NOS2: variants seen among roughly 807,000 people sequenced by gnomAD.
NOS2 encodes the protein nitric oxide synthase, inducible.
Under a neutral mutation model 136.0 loss-of-function variants are expected in NOS2, and 96 were observed. That is an observed-to-expected ratio of 0.71 (90% confidence interval 0.60 to 0.84). NOS2 has a LOEUF of 0.84. NOS2 is among the 40% of genes least tolerant of loss of function. NOS2 has a pLI of 0.00. For missense variants in NOS2, 1,237 were observed against 1,496.9 expected (o/e 0.83, Z 2.87); for synonymous variants, 539 against 587.5 (o/e 0.92, Z 1.20).
chr17:27,765,650 CT>C lies in NOS2; in HGVS notation c.2312del (p.Glu771GlyfsTer113). The C allele has an allele frequency of 1.2e-6, 2 of 1,613,480 alleles. No homozygotes were observed. Among genetic ancestry groups the C allele is most frequent in the Non-Finnish European group, 1.7e-6 (2 of 1,180,004 alleles). On this transcript the variant is annotated frameshift_variant, in exon 20 of 27. Coordinates refer to ENST00000313735, the MANE Select transcript of NOS2 (RefSeq NM_000625.4). LOFTEE classifies it high-confidence loss of function. Reference sequence around the variant, plus strand: ...GGTTGCCTGGGCAAACCCCAAGGTGCTCCCCCGGCAGGTAGTTCAGGCCTTG... The same window carrying C: ...GGTTGCCTGGGCAAACCCCAAGGTGCCCCCCGGCAGGTAGTTCAGGCCTTG... ...DGQGLNYLPG[E>X]HLGVCPGNQP...
intron 21 of NOS2, among the ~76,000 whole-genome samples, chr17:27,763,468 G>T (rs1908201353): frequency 6.6e-6 from 1 of 152,208 alleles, no homozygotes; most frequent in African/African-American, 2.4e-5. Context: ...GGCGGTGGAG[G>T]TAGCTTAAAT....
At position 27,782,945 on chromosome 17, in the gene NOS2, T is replaced by A; in HGVS notation, c.629A>T (p.Gln210Leu). The change falls in exon 6 of 27, where the codon CAG (glutamine) becomes CTG (leucine). Residue 210 changes from glutamine to leucine, a missense_variant and splice_region_variant. By Grantham distance (113) the Gln-to-Leu change is moderately radical. Around this residue, in one of 3 missense-constraint regions of NOS2, gnomAD observed 440 missense variants for 545.4 expected, o/e 0.81. Coordinates refer to ENST00000313735, the MANE Select transcript of NOS2 (RefSeq NM_000625.4). The part of the protein sequence containing the change: ...CIGRIQWSNL[Q>L]VFDARSCSTA... ...CCGCTCAAGTCTAAGGAAGTTCACC[T>A]GCAGGTTGGACCACTGGATCCTCCC... The A allele has an allele frequency of 6.2e-7, 1 of 1,614,028 alleles. No homozygotes were observed. Among genetic ancestry groups the A allele is most frequent in the Non-Finnish European group, 8.5e-7 (1 of 1,180,010 alleles).
rs897623603 is a variant in NOS2, at chr17:27,787,940, C to T, written c.319-114G>A. The T allele has an allele frequency of 6.2e-6, 7 of 1,121,970 alleles. 1 individual carries two copies. Among genetic ancestry groups the T allele is most frequent in the East Asian group, 2.6e-5 (1 of 39,194 alleles). 69.5% of individuals were successfully genotyped at this position (1,121,970 alleles called of 1,614,324 possible). A position where few individuals can be genotyped will look rare whatever the true frequency, so the allele number is the denominator to read the frequency against. ...TCTCTGGCTGCTCCGGCTCCCTGCA[C>T]CTCTTCTCCACCCCTGTGGCACCTC... On this transcript the variant is annotated intron_variant, in intron 4 of 26. Transcript: ENST00000313735.
In NOS2 at chr17:27,780,795, C is replaced by T; in HGVS notation, c.976G>A (p.Val326Met). 1.2e-6 allele frequency: 2 copies of T among 1,614,222 alleles called. No individual in the cohort carries two copies. The highest frequency in any genetic ancestry group is 1.7e-6 in the Non-Finnish European group (2 of 1,180,044). The change falls in exon 9 of 27, where the codon GTG becomes ATG. Residue 326 changes from valine (V) to methionine (M), a missense_variant. Val to Met is a conservative substitution (Grantham distance 21). Around this residue, in one of 3 missense-constraint regions of NOS2, gnomAD observed 440 missense variants for 545.4 expected, o/e 0.81. Transcript: ENST00000313735. ...GGATGTTCCATGGCCACCTCAAGCA[C>T]AAGGTCAGGTGGGATTTCGAAGAGC... ...PELFEIPPDL[V>M]LEVAMEHPKY... is the part of the protein sequence containing the mutation.
At chr17:27,794,714 G>A (rs866608977) in intron 2 of NOS2, among the ~76,000 whole-genome samples, 143 of 145,610 alleles carry the variant, frequency 9.8e-4, no homozygotes, top group African/African-American at 2.0e-3. Flanking sequence ...ACACACACGC[G>A]CACACACACA....
At chr17:27,758,800 G>C (rs1256242961) in intron 26 of NOS2, 81 bp downstream of exon 26, 1 of 1,113,884 alleles carries the variant, frequency 9.0e-7, no homozygotes, top group Non-Finnish European at 1.2e-6. Flanking sequence ...ATTCCCCTGG[G>C]TCTACCTGCC....
chr17:27,798,424 G>T (rs1363299122), intron 2 of NOS2, among the ~76,000 whole-genome samples: 3 of 151,364 alleles, frequency 2.0e-5, no homozygotes, highest in South Asian at 2.1e-4. Flanking sequence ...CCATTCTCAG[G>T]CCAAGCTCCT....
chr17:27,781,076 C>T lies in NOS2; in HGVS notation c.824G>A (p.Gly275Asp), dbSNP rs1223229852. 18 of 1,613,872 alleles carry T rather than the reference C, an allele frequency of 1.1e-5. No homozygotes were observed. Among genetic ancestry groups the T allele is most frequent in the Non-Finnish European group, 1.4e-5 (16 of 1,180,032 alleles). Residue 275 changes from glycine to aspartate, a missense_variant, in exon 8 of 27, where the codon GGC becomes GAC. By Grantham distance (94) the Gly-to-Asp change is moderately conservative. Transcript: ENST00000313735. ...IRYAGYQMPD[G>D]SIRGDPANVE... ...GTTGGCAGGGTCCCCTCTGATGCTG[C>T]CATCTGGCATCTGGTAGCCAGCATA...
intron 11 of NOS2, among the ~76,000 whole-genome samples, chr17:27,775,549 C>G (rs893450683): frequency 7.2e-5 from 11 of 152,110 alleles, no homozygotes; most frequent in African/African-American, 2.4e-4. Flanking sequence ...TTGCAGTGAG[C>G]CGAGATCGCA....
intron 2 of NOS2, among the ~76,000 whole-genome samples, chr17:27,796,948 C>T (rs569228204): frequency 1.3e-5 from 2 of 152,294 alleles, no homozygotes; most frequent in South Asian, 2.1e-4. Flanking sequence ...TCACCTACCA[C>T]ACCACAGCTA....
intron 11 of NOS2, 152 bp downstream of exon 11, chr17:27,778,538 G>A: frequency 1.5e-6 from 1 of 645,242 alleles, no homozygotes; most frequent in Admixed American, 2.6e-5. Flanking sequence ...CAAGTACAGG[G>A]ATTGAACAGT....
intron 2 of NOS2, among the ~76,000 whole-genome samples, chr17:27,796,025 G>A (rs1909343472): frequency 6.6e-6 from 1 of 152,180 alleles, no homozygotes; most frequent in East Asian, 1.9e-4. Flanking sequence ...AACACCGTAA[G>A]GGTTTTGGGA....
At chr17:27,772,811 A>G (rs1400947958) in intron 13 of NOS2, among the ~76,000 whole-genome samples, 1 of 152,086 alleles carries the variant, frequency 6.6e-6, no homozygotes, top group Admixed American at 6.6e-5. Context: ...GAGCAGGAAG[A>G]TCGCTTGAGC....
intron 9 of NOS2, among the ~76,000 whole-genome samples, chr17:27,780,147 T>C (rs552011348): frequency 1.9e-4 from 29 of 152,236 alleles, no homozygotes; most frequent in African/African-American, 7.0e-4. Context: ...TTATAGGAAA[T>C]ACCTTTTGAC....
chr17:27,773,065 T>C lies in NOS2; in HGVS notation c.1559+96A>G, dbSNP rs3729719. 4,669 of 956,812 alleles carry C rather than the reference T, an allele frequency of 4.9e-3. 141 individuals are homozygous for C. The African/African-American group carries it at 0.064, about 13-fold the overall frequency. 59.3% of individuals were successfully genotyped at this position (956,812 alleles called of 1,614,324 possible). ...CAAAAGCAAAAAGCATAACCATTCC[T>C]TGTGTTCTTGCCCTTCAAGGACTGG... On this transcript the variant is annotated intron_variant, in intron 13 of 26. Coordinates refer to ENST00000313735, the MANE Select transcript of NOS2 (RefSeq NM_000625.4).
chr17:27,792,745 G>A lies in NOS2; in HGVS notation c.111-3057C>T, dbSNP rs1322230567. Among the ~76,000 whole-genome samples, 4 of 148,586 alleles carry A rather than the reference G, an allele frequency of 2.7e-5. No individual in the cohort carries two copies. The East Asian group carries it at 7.9e-4, about 29-fold the overall frequency. On this transcript the variant is annotated intron_variant, in intron 2 of 26. Transcript: ENST00000313735. Reference sequence around the variant, plus strand: ...TGTCATCTCAGCACTTTGGAAGGCCGAGGTGGGCGGATCACTCGAGCCCAG... The same window carrying A: ...TGTCATCTCAGCACTTTGGAAGGCCAAGGTGGGCGGATCACTCGAGCCCAG...
At chr17:27,798,522 C>T (rs1352526019) in intron 2 of NOS2, among the ~76,000 whole-genome samples, 178 bp downstream of exon 2, 1 of 152,198 alleles carries the variant, frequency 6.6e-6, no homozygotes, top group Admixed American at 6.5e-5. Context: ...TCAGGCACAG[C>T]GAGGTGCCCA....
intron 24 of NOS2, 26 bp from the exon 25 acceptor site, chr17:27,760,204 C>T (rs745999479): frequency 9.9e-6 from 15 of 1,517,954 alleles, no homozygotes; most frequent in Non-Finnish European, 1.1e-5. Context: ...GCTGTTGTTA[C>T]CATGTTGGCC....
chr17:27,774,456 A>G lies in NOS2; in HGVS notation c.1282-5T>C, dbSNP rs1477728230. On this transcript the variant is annotated splice_region_variant and splice_polypyrimidine_tract_variant and intron_variant, in intron 11 of 26. Transcript: ENST00000313735. ...CATGATGGTCACATTCTGCTTCTGTATCAGAAGGCAAGATAGGGAGTGGAG... is the reference window on the plus strand; with the variant it reads ...CATGATGGTCACATTCTGCTTCTGTGTCAGAAGGCAAGATAGGGAGTGGAG... 9 of 1,459,618 alleles carry G rather than the reference A, an allele frequency of 6.2e-6. No individual in the cohort carries two copies. The South Asian group carries it at 1.2e-4, about 19-fold the overall frequency. The allele number at this position is 1,459,618 out of a possible 1,614,324, so 90.4% of individuals were successfully genotyped here.
Sources: gnomAD v4.1 joint callset for allele counts (sites outside exome capture counted in the v4.1 genomes callset) on GRCh38, gnomAD v4.1.1 for gene constraint, gnomAD v4.1.1 regional missense constraint, MANE v1.5 for transcripts, NCBI Gene and HGNC (gene_info 2026-07-23, HGNC 2026-07-21) for gene names.